The following NT5DC3 variants were observed in gnomAD, a reference collection of about 807,000 sequenced individuals.
NT5DC3 encodes the protein 5'-nucleotidase domain containing 3.
NT5DC3 carries 42 observed loss-of-function variants against 67.8 expected under a neutral mutation model. The observed-to-expected ratio is 0.62, with a 90% CI of 0.48 to 0.80. The LOEUF (loss-of-function observed/expected upper bound fraction) is 0.80, where lower values mean the gene tolerates loss of function less well. NT5DC3 is among the 30% of genes least tolerant of loss of function. The probability of loss-of-function intolerance (pLI) is 0.00; values close to 1 mark genes in which losing one functional copy is unlikely to be tolerated. For missense variants in NT5DC3, 570 were observed against 696.4 expected (o/e 0.82, Z 2.04); for synonymous variants, 237 against 255.6 (o/e 0.93, Z 0.69).
At chr12:103,811,544 G>A (rs932171494) in intron 2 of NT5DC3, among the ~76,000 whole-genome samples, 1 of 152,154 alleles carries the variant, frequency 6.6e-6, no homozygotes, top group African/African-American at 2.4e-5. Context: ...GAAACTGTCA[G>A]GGTCATTTAA....
the NT5DC3 span, among the ~76,000 whole-genome samples, chr12:103,765,381 T>C: frequency 6.6e-6 from 1 of 152,186 alleles, no homozygotes; most frequent in Non-Finnish European, 1.5e-5. Flanking sequence ...AAGCATAAGG[T>C]ACCAGCTTAC....
the NT5DC3 span, among the ~76,000 whole-genome samples, chr12:103,758,960 G>A: frequency 1.3e-5 from 2 of 152,126 alleles, no homozygotes; most frequent in African/African-American, 4.8e-5. Flanking sequence ...GGTGGCCTCT[G>A]GCAGAGCCCA....
At chr12:103,790,802 G>C (rs2139332453) in intron 9 of NT5DC3, among the ~76,000 whole-genome samples, 1 of 141,854 alleles carries the variant, frequency 7.0e-6, no homozygotes, top group African/African-American at 2.6e-5. Context: ...CCATTCTCCT[G>C]CCTCACCCTC....
the NT5DC3 span, chr12:103,758,251 C>T: frequency 6.2e-7 from 1 of 1,614,082 alleles, no homozygotes; most frequent in African/African-American, 1.3e-5. Flanking sequence ...CCGCGGCACC[C>T]TCTTTGTGCC....
downstream of NT5DC3, among the ~76,000 whole-genome samples, chr12:103,767,086 C>T (rs1566091089): frequency 6.6e-6 from 1 of 152,104 alleles, no homozygotes; most frequent in Non-Finnish European, 1.5e-5. Flanking sequence ...AGGTATATAT[C>T]CAAGAGACAG....
intron 1 of NT5DC3, among the ~76,000 whole-genome samples, chr12:103,834,921 T>C (rs1888081104): frequency 2.0e-5 from 3 of 150,998 alleles, no homozygotes; most frequent in Non-Finnish European, 3.0e-5. Flanking sequence ...GAGATCTACA[T>C]GTTTTAAATG....
At chr12:103,787,381 T>C in intron 11 of NT5DC3, 60 bp downstream of exon 11, 3 of 782,966 alleles carry the variant, frequency 3.8e-6, no homozygotes, top group South Asian at 2.4e-5. Flanking sequence ...AAAAGATACA[T>C]TCTTTAGTAA....
At chr12:103,767,761 T>C (rs1320733281), downstream of NT5DC3, among the ~76,000 whole-genome samples, 1 of 151,110 alleles carries the variant, frequency 6.6e-6, no homozygotes, top group Non-Finnish European at 1.5e-5. Context: ...TTGGCCTGGG[T>C]ATTAGCCAGG....
chr12:103,750,495 C>A, the NT5DC3 span: 1 of 1,556,616 alleles, frequency 6.4e-7, no homozygotes. Flanking sequence ...ACCTCCTAGG[C>A]TGGACATTGG....
At chr12:103,790,388 G>A (rs568462361) in intron 9 of NT5DC3, among the ~76,000 whole-genome samples, 37 of 151,948 alleles carry the variant, frequency 2.4e-4, no homozygotes, top group Non-Finnish European at 4.3e-4. Context: ...TGACTCTCCT[G>A]CCTCAGCCTA....
chr12:103,828,973 A>G (rs527238064), intron 1 of NT5DC3, among the ~76,000 whole-genome samples: 87 of 152,332 alleles, frequency 5.7e-4, no homozygotes, highest in African/African-American at 2.1e-3. Flanking sequence ...TGCTGGGATT[A>G]CAAGCGTAAG....
Position 103,806,906 on chromosome 12 carries a change from A to G in NT5DC3, c.417T>C (p.Tyr139=), listed in dbSNP as rs1235889620. The G allele has an allele frequency of 1.2e-6, 2 of 1,606,582 alleles. No individual in the cohort carries two copies. Among genetic ancestry groups the G allele is most frequent in the African/African-American group, 1.3e-5 (1 of 74,810 alleles). The change falls in exon 3 of 14, where the codon TAT becomes TAC. Residue 139 remains tyrosine, a synonymous_variant. Transcript: ENST00000392876. The stretch of plus-strand genomic sequence containing the variant: ...GAATTGCAAAATTTGGGTCATACTC[A>G]TACTTCCTGATTTCTGCTGGATACT... The part of the protein sequence containing the change: ...EHRYPAEIRK[Y]EYDPNFAIRG...
intron 2 of NT5DC3, among the ~76,000 whole-genome samples, chr12:103,807,288 T>A (rs1338830621): frequency 6.6e-6 from 1 of 152,146 alleles, no homozygotes; most frequent in Non-Finnish European, 1.5e-5. Context: ...TCTCCACCCA[T>A]CACTCCCTCC....
chr12:103,766,463 C>G (rs758512898), downstream of NT5DC3: 29 of 1,077,618 alleles, frequency 2.7e-5, no homozygotes, highest in Non-Finnish European at 3.8e-5. Flanking sequence ...CCTCATCTCT[C>G]TGGCTGATCT....
chr12:103,792,588 G>A (rs1281327805), intron 9 of NT5DC3, among the ~76,000 whole-genome samples: 1 of 152,156 alleles, frequency 6.6e-6, no homozygotes, highest in Non-Finnish European at 1.5e-5. Flanking sequence ...AGCGTTCCCT[G>A]ATCCCTACCC....
intron 4 of NT5DC3, among the ~76,000 whole-genome samples, chr12:103,801,521 T>C (rs1886580993): frequency 6.6e-6 from 1 of 151,702 alleles, no homozygotes; most frequent in Non-Finnish European, 1.5e-5. Flanking sequence ...TAGCTGGGAC[T>C]ACAGGCACCC....
intron 4 of NT5DC3, 76 bp downstream of exon 4, chr12:103,806,246 A>G (rs1412527452): frequency 1.1e-6 from 1 of 877,362 alleles, no homozygotes; most frequent in Non-Finnish European, 1.9e-6. Context: ...CTTCATCATT[A>G]AACAGTCAGA....
intron 1 of NT5DC3, among the ~76,000 whole-genome samples, chr12:103,825,327 T>A (rs1887646402): frequency 6.6e-6 from 1 of 152,120 alleles, no homozygotes; most frequent in South Asian, 2.1e-4. Flanking sequence ...CAGAAATCCA[T>A]CACACTTCTT....
In NT5DC3 at chr12:103,778,091, C is replaced by T. The variant is rs200385611; in HGVS notation, c.1395-10G>A. The T allele has an allele frequency of 3.2e-6, 5 of 1,573,464 alleles. No homozygotes were observed. In the East Asian group the frequency reaches 1.2e-4, roughly 36 times the overall value. On this transcript the variant is annotated splice_polypyrimidine_tract_variant and intron_variant, in intron 13 of 13. Coordinates refer to ENST00000392876, the MANE Select transcript of NT5DC3 (RefSeq NM_001031701.3). ...ACTCTTGGTCATTTCTCTGAAGAGGCAATAAAAAAGCAAAGCAACAGAGAA... is the reference window on the plus strand; with the variant it reads ...ACTCTTGGTCATTTCTCTGAAGAGGTAATAAAAAAGCAAAGCAACAGAGAA...
Sources: gnomAD v4.1 joint callset for allele counts (sites outside exome capture counted in the v4.1 genomes callset) on GRCh38, gnomAD v4.1.1 for gene constraint, MANE v1.5 for transcripts, NCBI Gene and HGNC (gene_info 2026-07-23, HGNC 2026-07-21) for gene names.